Variants in RASGRF2 observed in about 807,000 individuals in gnomAD.
The protein encoded by RASGRF2 is ras-specific guanine nucleotide-releasing factor 2.
Under a neutral mutation model 151.0 loss-of-function variants are expected in RASGRF2, and 76 were observed. That is an observed-to-expected ratio of 0.50 (90% CI 0.42 to 0.61). RASGRF2 has a LOEUF of 0.61. Ranked by LOEUF, RASGRF2 falls within the 20% of genes least tolerant of loss-of-function variation. The probability of loss-of-function intolerance (pLI) is 0.00; values close to 1 mark genes in which losing one functional copy is unlikely to be tolerated. For missense variants in RASGRF2, 1,148 were observed against 1,564.6 expected, an observed-to-expected ratio of 0.73 and a Z score of 4.49; for synonymous variants, 504 against 566.5, an observed-to-expected ratio of 0.89 and a Z score of 1.57.
intron 26 of RASGRF2, among the ~76,000 whole-genome samples, chr5:81,222,889 C>G (rs1406379300): frequency 1.9e-5 from 2 of 104,312 alleles, no homozygotes; most frequent in Non-Finnish European, 3.7e-5. Context: ...TTAGAAAATC[C>G]AAGAGAAAAA....
chr5:81,025,640 T>C (rs899123811), intron 1 of RASGRF2, among the ~76,000 whole-genome samples: 5 of 152,216 alleles, frequency 3.3e-5, no homozygotes, highest in African/African-American at 4.8e-5. Context: ...CCTTGACACA[T>C]GGCCATTGGT....
rs138461942 is a variant in RASGRF2 at position 81,023,511 on chromosome 5, T to G, written c.289-19366T>G. On this transcript the variant is annotated intron_variant, in intron 1 of 26. Transcript: ENST00000265080. ...CAGAGTGAGACTAGACATACAAGAC[T>G]CTTTGATGAGCGGCTACAAATAATG... 4.6e-3 allele frequency among the ~76,000 whole-genome samples: 695 copies of G among 152,308 alleles called. 5 individuals carry two copies. The highest frequency in any genetic ancestry group is 8.7e-3 in the South Asian group (42 of 4,820).
At chr5:81,173,497 C>T (rs1754705261) in intron 17 of RASGRF2, among the ~76,000 whole-genome samples, 1 of 152,216 alleles carries the variant, frequency 6.6e-6, no homozygotes, top group African/African-American at 2.4e-5. Context: ...ATAATCCTAA[C>T]TGTTATCCTA....
chr5:81,117,436 G>C (rs928711456), intron 15 of RASGRF2, among the ~76,000 whole-genome samples: 1 of 152,104 alleles, frequency 6.6e-6, no homozygotes, highest in Non-Finnish European at 1.5e-5. Context: ...CTTTTATAAG[G>C]AACCCACTAC....
At chr5:80,995,157 G>A (rs1458770313) in intron 1 of RASGRF2, among the ~76,000 whole-genome samples, 1 of 151,232 alleles carries the variant, frequency 6.6e-6, no homozygotes, top group Non-Finnish European at 1.5e-5. Flanking sequence ...TTAGGAGGCT[G>A]AGGCAGGAGA....
chr5:81,028,467 C>G (rs1055300921), intron 1 of RASGRF2, among the ~76,000 whole-genome samples: 4 of 151,822 alleles, frequency 2.6e-5, no homozygotes, highest in African/African-American at 7.3e-5. Context: ...AGATTTCCCT[C>G]CAATTCTATA....
chr5:81,078,332 A>C (rs950879863), intron 5 of RASGRF2, among the ~76,000 whole-genome samples: 2 of 152,198 alleles, frequency 1.3e-5, no homozygotes, highest in Non-Finnish European at 1.5e-5. Context: ...CAAATAATAG[A>C]AGTTATTCCT....
At chr5:81,172,442 T>C (rs1031499877) in intron 17 of RASGRF2, among the ~76,000 whole-genome samples, 7 of 118,564 alleles carry the variant, frequency 5.9e-5, no homozygotes, top group Non-Finnish European at 1.1e-4. Flanking sequence ...TGCGTGTGTG[T>C]GTGTGTGTGT....
At chr5:80,970,283 C>T (rs1284862697) in intron 1 of RASGRF2, among the ~76,000 whole-genome samples, 3 of 152,150 alleles carry the variant, frequency 2.0e-5, no homozygotes, top group Non-Finnish European at 4.4e-5. Flanking sequence ...TATTGTTAAA[C>T]TTTTATCTAG....
At chr5:81,192,274 G>T (rs2112696634) in intron 18 of RASGRF2, among the ~76,000 whole-genome samples, 1 of 152,316 alleles carries the variant, frequency 6.6e-6, no homozygotes, top group Admixed American at 6.5e-5. Flanking sequence ...GAAGATTCAA[G>T]AACCTACTGA....
intron 2 of RASGRF2, among the ~76,000 whole-genome samples, chr5:81,054,040 A>G (rs1751114128): frequency 6.6e-6 from 1 of 152,118 alleles, no homozygotes; most frequent in African/African-American, 2.4e-5. Flanking sequence ...TTGTCAGATG[A>G]GTAGATTGAA....
At chr5:81,176,805 T>C (rs1754784748) in intron 17 of RASGRF2, among the ~76,000 whole-genome samples, 1 of 152,228 alleles carries the variant, frequency 6.6e-6, no homozygotes, top group Non-Finnish European at 1.5e-5. Context: ...CCTGAGCCTC[T>C]GGCCTGCAGG....
At chr5:81,128,760 A>G (rs966862513) in intron 17 of RASGRF2, among the ~76,000 whole-genome samples, 3 of 152,224 alleles carry the variant, frequency 2.0e-5, no homozygotes, top group South Asian at 2.1e-4. Flanking sequence ...ATAAAAGCAC[A>G]GTATTTTAAT....
chr5:81,112,164 A>G (rs1325240893), intron 13 of RASGRF2, among the ~76,000 whole-genome samples: 1 of 152,224 alleles, frequency 6.6e-6, no homozygotes, highest in African/African-American at 2.4e-5. Flanking sequence ...TATGTCATAT[A>G]GACATACACA....
At chr5:80,996,507 C>T (rs1266568036) in intron 1 of RASGRF2, among the ~76,000 whole-genome samples, 3,591 of 65,280 alleles carry the variant, frequency 0.055, 528 homozygotes, top group African/African-American at 0.064. Context: ...TCTTCTTCCT[C>T]CTCCTCCTCC....
intron 1 of RASGRF2, among the ~76,000 whole-genome samples, chr5:81,008,122 TTTTC>T (rs1345139702): frequency 5.3e-5 from 8 of 150,902 alleles, no homozygotes; most frequent in East Asian, 3.9e-4. Context: ...TCAGTTTTCT[TTTTC>T]TTTCTTTCTT....
rs397884951 is a variant in RASGRF2 at position 81,024,249 on chromosome 5, A to ATTTTTTTTTTTTTTTTTTTTTTTTT, written c.289-18625_289-18601dup. Reference sequence around the variant, plus strand: ...CTCCAGGACTAGAGGTATTCATATAATTTTTTTTTTTTTTTTTTTTTTTTT... The same window carrying ATTTTTTTTTTTTTTTTTTTTTTTTT: ...CTCCAGGACTAGAGGTATTCATATAATTTTTTTTTTTTTTTTTTTTTTTTTTTTTTTTTTTTTTTTTTTTTTTTTT... On this transcript the variant is annotated intron_variant, in intron 1 of 26. Coordinates refer to ENST00000265080, the MANE Select transcript of RASGRF2 (RefSeq NM_006909.3). Among the ~76,000 whole-genome samples the ATTTTTTTTTTTTTTTTTTTTTTTTT allele has an allele frequency of 3.1e-4, 22 of 71,690 alleles. 1 individual carries two copies. Among genetic ancestry groups the ATTTTTTTTTTTTTTTTTTTTTTTTT allele is most frequent in the Admixed American group, 5.7e-4 (3 of 5,292 alleles). The allele number at this position is 71,690 out of a possible 152,430, so 47.0% of individuals were successfully genotyped here.
intron 2 of RASGRF2, among the ~76,000 whole-genome samples, chr5:81,066,296 A>C (rs538881714): frequency 1.3e-5 from 2 of 152,036 alleles, no homozygotes; most frequent in Non-Finnish European, 2.9e-5. Flanking sequence ...GAGTGACTTA[A>C]AAATGTTGCT....
intron 17 of RASGRF2, among the ~76,000 whole-genome samples, chr5:81,128,632 C>G (rs949497190): frequency 2.0e-5 from 3 of 152,058 alleles, no homozygotes; most frequent in Admixed American, 6.6e-5. Context: ...TTGTGGAGTG[C>G]GGGGAGCCGA....
Sources: gnomAD v4.1 joint callset for allele counts (sites outside exome capture counted in the v4.1 genomes callset) on GRCh38, gnomAD v4.1.1 for gene constraint, MANE v1.5 for transcripts, NCBI Gene and HGNC (gene_info 2026-07-23, HGNC 2026-07-21) for gene names.